ZC3H12B: variants seen among roughly 807,000 people sequenced by gnomAD.
ZC3H12B encodes the protein zinc finger CCCH-type containing 12B, also known as probable ribonuclease ZC3H12B.
Under a neutral mutation model 43.9 loss-of-function variants are expected in ZC3H12B, and 7 were observed. The observed-to-expected ratio is 0.16, with a 90% CI of 0.09 to 0.30. ZC3H12B has a LOEUF of 0.30. ZC3H12B is among the 10% of genes least tolerant of loss of function. The pLI is 1.00. For synonymous variants in ZC3H12B, 222 were observed against 241.7 expected (o/e 0.92, Z 0.76); for missense variants, 475 against 670.2 (o/e 0.71, Z 3.22).
chrX:65,370,758 C>A (rs2066233898), intron 2 of ZC3H12B, among the ~76,000 whole-genome samples: 1 of 111,799 alleles, frequency 8.9e-6, no homozygotes, highest in African/African-American at 3.2e-5. Flanking sequence ...AAGTAATCTA[C>A]CACCAAGGAG....
At chrX:65,195,912 G>T in the ZC3H12B span, among the ~76,000 whole-genome samples, 81 of 111,886 alleles carry the variant, frequency 7.2e-4, no homozygotes, top group South Asian at 0.015. Flanking sequence ...ACTCTCTAGT[G>T]GTGTTTACTC....
intron 2 of ZC3H12B, among the ~76,000 whole-genome samples, chrX:65,393,784 C>CACAAT (rs1351973654): frequency 1.8e-5 from 2 of 112,075 alleles, no homozygotes; most frequent in Non-Finnish European, 3.8e-5. Flanking sequence ...CACTGTCTAA[C>CACAAT]ACAATGGTTG....
chrX:65,469,491 T>C (rs1390124927), intron 3 of ZC3H12B: 14 of 371,250 alleles, frequency 3.8e-5, no homozygotes, highest in Non-Finnish European at 4.0e-5. Flanking sequence ...CAAAAACAAA[T>C]TGGTAAAGCT....
At chrX:65,190,204 TGTA>T in the ZC3H12B span, among the ~76,000 whole-genome samples, 3 of 110,502 alleles carry the variant, frequency 2.7e-5, no homozygotes, top group African/African-American at 9.9e-5. Flanking sequence ...ACTGTAGCCT[TGTA>T]GTATAGTTTG....
the ZC3H12B span, among the ~76,000 whole-genome samples, chrX:65,214,198 G>T: frequency 1.8e-5 from 2 of 110,891 alleles, no homozygotes; most frequent in Non-Finnish European, 3.8e-5. Context: ...AAGGGTGGCG[G>T]TTGCTCAACA....
intron 3 of ZC3H12B, among the ~76,000 whole-genome samples, chrX:65,448,234 C>CA (rs906102389): frequency 4.4e-4 from 44 of 100,467 alleles, no homozygotes; most frequent in Admixed American, 1.4e-3. Flanking sequence ...GACTCTGTCT[C>CA]AAAAAAAAAA....
chrX:65,120,573 A>G, the ZC3H12B span, among the ~76,000 whole-genome samples: 6 of 111,727 alleles, frequency 5.4e-5, no homozygotes, highest in Non-Finnish European at 9.4e-5. Flanking sequence ...TTTTCTAGAT[A>G]TACAGTCATG....
At chrX:65,425,456 A>AT (rs1211747006) in intron 3 of ZC3H12B, among the ~76,000 whole-genome samples, 9 of 108,489 alleles carry the variant, frequency 8.3e-5, no homozygotes, top group African/African-American at 1.3e-4. Flanking sequence ...AATACTCTTT[A>AT]TTTTTTTTTC....
intron 3 of ZC3H12B, among the ~76,000 whole-genome samples, chrX:65,425,243 T>C (rs2067066776): frequency 9.0e-6 from 1 of 111,115 alleles, no homozygotes; most frequent in Admixed American, 9.6e-5. Context: ...GAATGGGAAT[T>C]CATTCATGAT....
intron 3 of ZC3H12B, among the ~76,000 whole-genome samples, chrX:65,458,085 T>TAAAAAAA (rs59738258): frequency 6.1e-5 from 3 of 49,081 alleles, no homozygotes; most frequent in Non-Finnish European, 1.1e-4. Flanking sequence ...AAAAAAAAAT[T>TAAAAAAA]AAAAAAAAAA....
At chrX:65,124,565 A>T in the ZC3H12B span, among the ~76,000 whole-genome samples, 1 of 110,979 alleles carries the variant, frequency 9.0e-6, no homozygotes, top group South Asian at 3.8e-4. Context: ...GATTGTTATC[A>T]GTTCTCCATT....
At chrX:65,226,924 A>T in the ZC3H12B span, among the ~76,000 whole-genome samples, 1 of 111,081 alleles carries the variant, frequency 9.0e-6, no homozygotes, top group African/African-American at 3.3e-5. Flanking sequence ...CTCCCACACA[A>T]TAATAATGGG....
At chrX:65,264,098 C>A in the ZC3H12B span, among the ~76,000 whole-genome samples, 2 of 111,310 alleles carry the variant, frequency 1.8e-5, no homozygotes, top group Admixed American at 1.9e-4. Flanking sequence ...TAAATGGGAG[C>A]TAAGCTATGG....
At chrX:65,325,230 T>C in the ZC3H12B span, among the ~76,000 whole-genome samples, 1 of 111,251 alleles carries the variant, frequency 9.0e-6, no homozygotes. Context: ...CCACTCAACA[T>C]AGTATTGAAA....
At chrX:65,160,040 G>T in the ZC3H12B span, among the ~76,000 whole-genome samples, 3 of 111,888 alleles carry the variant, frequency 2.7e-5, no homozygotes, top group Non-Finnish European at 5.6e-5. Context: ...TTTGTCTTTG[G>T]TTCGGATTAT....
At chrX:65,051,892 G>A in the ZC3H12B span, among the ~76,000 whole-genome samples, 1 of 110,472 alleles carries the variant, frequency 9.1e-6, no homozygotes, top group Non-Finnish European at 1.9e-5. Flanking sequence ...TCAGTTCCTG[G>A]GAGGGGGCTG....
intron 3 of ZC3H12B, among the ~76,000 whole-genome samples, chrX:65,466,752 A>G (rs1306627649): frequency 1.9e-5 from 2 of 104,416 alleles, no homozygotes; most frequent in African/African-American, 3.4e-5. Context: ...CATACTGATA[A>G]TAGCCTTTCT....
At chrX:65,325,532 G>A in the ZC3H12B span, among the ~76,000 whole-genome samples, 15 of 110,371 alleles carry the variant, frequency 1.4e-4, no homozygotes, top group African/African-American at 4.3e-4. Context: ...GAATTACTTA[G>A]GAGTAAATTT....
the ZC3H12B span, among the ~76,000 whole-genome samples, chrX:65,334,592 A>G: frequency 2.7e-5 from 3 of 112,230 alleles, no homozygotes; most frequent in Middle Eastern, 4.6e-3. Context: ...ACCTTTATAT[A>G]TAAACATCAC....
Sources: gnomAD v4.1 joint callset for allele counts (sites outside exome capture counted in the v4.1 genomes callset) on GRCh38, gnomAD v4.1.1 for gene constraint, MANE v1.5 for transcripts, NCBI Gene and HGNC (gene_info 2026-07-23, HGNC 2026-07-21) for gene names.